TIMM23B: variants seen among roughly 807,000 people sequenced by gnomAD.
The protein encoded by TIMM23B is translocase of inner mitochondrial membrane 23 homolog B.
Under a neutral mutation model 27.3 loss-of-function variants are expected in TIMM23B, and 27 were observed. That is an observed-to-expected ratio of 0.99 (90% CI 0.73 to 1.36). The LOEUF (loss-of-function observed/expected upper bound fraction) is 1.36. Among genes scored for constraint, TIMM23B ranks in the 40% most tolerant of loss-of-function variants. The pLI is 0.00. For missense variants in TIMM23B, 205 were observed against 244.2 expected (o/e 0.84, Z 1.07); for synonymous variants, 73 against 92.4 (o/e 0.79, Z 1.21).
chr10:49,974,277 A>G lies in TIMM23B; in HGVS notation c.*1213A>G, dbSNP rs1447611599. On this transcript the variant is annotated 3_prime_UTR_variant, in exon 7 of 7. Transcript: ENST00000651259. ...TTCTCTTGTCTCATAAATCTAAACC[A>G]TCAACCTGCTTATTTTTGTATACTG... is the stretch of plus-strand genomic sequence containing the variant. The G allele has an allele frequency of 6.6e-6, 1 of 150,798 alleles. No individual in the cohort carries two copies. Among genetic ancestry groups the G allele is most frequent in the African/African-American group, 2.5e-5 (1 of 40,546 alleles). 9.3% of individuals were successfully genotyped at this position (150,798 alleles called of 1,614,324 possible). A position where few individuals can be genotyped will look rare whatever the true frequency, so the allele number is the denominator to read the frequency against.
intron 2 of TIMM23B, among the ~76,000 whole-genome samples, chr10:49,946,482 C>T (rs1303854680): frequency 6.6e-6 from 1 of 152,120 alleles, no homozygotes; most frequent in Non-Finnish European, 1.5e-5. Flanking sequence ...TCTGTTAAAA[C>T]TAATGATCGA....
chr10:49,961,497 A>T (rs1440443936), intron 6 of TIMM23B, among the ~76,000 whole-genome samples: 3 of 151,602 alleles, frequency 2.0e-5, no homozygotes, highest in African/African-American at 7.3e-5. Flanking sequence ...AATATATGGG[A>T]CTTTGAATAG....
chr10:49,942,363 G>A, intron 1 of TIMM23B, 63 bp downstream of exon 1: 8 of 1,561,536 alleles, frequency 5.1e-6, no homozygotes, highest in Non-Finnish European at 6.9e-6. Context: ...CTAAAGTTGC[G>A]CGTCCCATGT....
At chr10:49,950,539 T>G (rs2133060003) in intron 2 of TIMM23B, among the ~76,000 whole-genome samples, 1 of 150,970 alleles carries the variant, frequency 6.6e-6, no homozygotes, top group East Asian at 1.9e-4. Context: ...TTTTTAAGTT[T>G]TCTTTTCTTT....
At chr10:49,955,429 A>G (rs1468558101) in intron 5 of TIMM23B, among the ~76,000 whole-genome samples, 1 of 152,222 alleles carries the variant, frequency 6.6e-6, no homozygotes, top group South Asian at 2.1e-4. Context: ...TGATAAATTA[A>G]TCCAGCCCTC....
In TIMM23B at chr10:49,942,145, C is replaced by T; in HGVS notation, c.-50C>T. The T allele has an allele frequency of 6.4e-7, 1 of 1,550,612 alleles. No individual in the cohort carries two copies. The highest frequency in any genetic ancestry group is 1.2e-5 in the South Asian group (1 of 85,348). ...TATTGAGGAGTAACGGCCCAGCGGACCACCCAGGCTTGAGGCAGCGGCGGG... is the reference window on the plus strand; with the variant it reads ...TATTGAGGAGTAACGGCCCAGCGGATCACCCAGGCTTGAGGCAGCGGCGGG... On this transcript the variant is annotated 5_prime_UTR_variant, in exon 1 of 7. Coordinates refer to ENST00000651259, the MANE Select transcript of TIMM23B (RefSeq NM_001290117.2).
chr10:49,950,827 G>A (rs1839506966), intron 2 of TIMM23B, among the ~76,000 whole-genome samples: 3 of 152,196 alleles, frequency 2.0e-5, no homozygotes. Context: ...CAGGCGGGAG[G>A]CACCGTGCCT....
intron 2 of TIMM23B, among the ~76,000 whole-genome samples, chr10:49,945,562 A>G (rs1218324863): frequency 6.6e-6 from 1 of 152,084 alleles, no homozygotes; most frequent in Non-Finnish European, 1.5e-5. Flanking sequence ...TGTGTTCTCA[A>G]TAGAGACCGG....
At chr10:49,950,730 C>T (rs1350812936) in intron 2 of TIMM23B, among the ~76,000 whole-genome samples, 33 of 151,698 alleles carry the variant, frequency 2.2e-4, no homozygotes, top group Admixed American at 1.3e-4. Flanking sequence ...TTAGTAGAGA[C>T]GGGGTTTCAC....
At chr10:49,966,393 A>G (rs1171751404) in intron 6 of TIMM23B, among the ~76,000 whole-genome samples, 1 of 150,610 alleles carries the variant, frequency 6.6e-6, no homozygotes, top group African/African-American at 2.5e-5. Flanking sequence ...AAATGAAATA[A>G]TGAAATGAAT....
chr10:49,966,291 AAATGAAT>A (rs1554855439), intron 6 of TIMM23B, among the ~76,000 whole-genome samples: 1 of 152,162 alleles, frequency 6.6e-6, no homozygotes. Flanking sequence ...GAAATGAAGT[AAATGAAT>A]AATGAAATGC....
intron 6 of TIMM23B, among the ~76,000 whole-genome samples, chr10:49,964,962 TG>T (rs1329884757): frequency 3.3e-5 from 5 of 152,252 alleles, no homozygotes; most frequent in Admixed American, 2.0e-4. Context: ...GGCTCACGCT[TG>T]TAATCCTAGC....
At chr10:49,952,351 T>G (rs1839558950) in intron 3 of TIMM23B, 98 bp from the exon 4 acceptor site, 2 of 1,489,336 alleles carry the variant, frequency 1.3e-6, no homozygotes, top group Non-Finnish European at 1.8e-6. Flanking sequence ...TTCTATTAAA[T>G]AAAAATGAAA....
rs1554856907 is a variant in TIMM23B at position 49,973,142 on chromosome 10, A to G, written c.*78A>G. 3.5e-6 allele frequency: 4 copies of G among 1,157,262 alleles called. No homozygotes were observed. The highest frequency in any genetic ancestry group is 1.2e-6 in the Non-Finnish European group (1 of 806,300). The allele number at this position is 1,157,262 out of a possible 1,614,324, so 71.7% of individuals were successfully genotyped here. On this transcript the variant is annotated 3_prime_UTR_variant, in exon 7 of 7. Coordinates refer to ENST00000651259, the MANE Select transcript of TIMM23B (RefSeq NM_001290117.2). ...GCTACACAAAAGGCAGCAAAGTATTAGTAAGTGTACCTCTGACATTTTAAC... is the reference window on the plus strand; with the variant it reads ...GCTACACAAAAGGCAGCAAAGTATTGGTAAGTGTACCTCTGACATTTTAAC...
rs1318805588 is a variant in TIMM23B, at chr10:49,952,212, C to G, written c.252C>G (p.Cys84Trp). 4.1e-4 allele frequency: 658 copies of G among 1,605,690 alleles called. 1 individual carries two copies. The highest frequency in any genetic ancestry group is 3.9e-4 in the Non-Finnish European group (460 of 1,172,526). The change falls in exon 3 of 7, where the codon TGC (cysteine) becomes TGG (tryptophan). Residue 84 changes from cysteine to tryptophan, a missense_variant. Coordinates refer to ENST00000651259, the MANE Select transcript of TIMM23B (RefSeq NM_001290117.2). The part of the protein sequence containing the change: ...ELAFFTIGGC[C>W]MTGAAFGAMN... ...CCTTCTTTACGATTGGAGGGTGTTG[C>G]ATGACAGGTGAGTGTTACATACTTT...
intron 5 of TIMM23B, among the ~76,000 whole-genome samples, chr10:49,957,248 T>A (rs2133075846): frequency 6.7e-6 from 1 of 150,338 alleles, no homozygotes; most frequent in African/African-American, 2.5e-5. Context: ...GCGTATTTAT[T>A]ATAAAGATTT....
intron 1 of TIMM23B, among the ~76,000 whole-genome samples, chr10:49,944,153 G>A (rs1839280930): frequency 6.6e-6 from 1 of 152,242 alleles, no homozygotes; most frequent in African/African-American, 2.4e-5. Context: ...GATTTTGTAA[G>A]TTATGGTAAG....
At position 49,942,112 on chromosome 10, in the gene TIMM23B, C is replaced by A; in HGVS notation, c.-83C>A. The A allele has an allele frequency of 1.4e-6, 2 of 1,459,750 alleles. No individual in the cohort carries two copies. Among genetic ancestry groups the A allele is most frequent in the Non-Finnish European group, 1.8e-6 (2 of 1,089,036 alleles). 90.4% of individuals were successfully genotyped at this position (1,459,750 alleles called of 1,614,324 possible). The stretch of plus-strand genomic sequence containing the variant: ...AGTAGGCGCTGGCAACGCGGGGTTA[C>A]CCGCTGTTATTGAGGAGTAACGGCC... On this transcript the variant is annotated 5_prime_UTR_variant, in exon 1 of 7. Transcript: ENST00000651259.
intron 1 of TIMM23B, among the ~76,000 whole-genome samples, chr10:49,943,701 A>G (rs1183985608): frequency 7.6e-5 from 11 of 143,912 alleles, no homozygotes; most frequent in African/African-American, 2.9e-4. Context: ...TGTGCTAGCT[A>G]CTTTTCTGGG....
Sources: allele counts gnomAD v4.1 joint callset (sites outside exome capture counted in the v4.1 genomes callset), GRCh38; gene constraint gnomAD v4.1.1; transcripts MANE v1.5; gene names NCBI Gene and HGNC (gene_info 2026-07-23, HGNC 2026-07-21).